The following MSRA variants were observed in gnomAD, a reference collection of about 807,000 sequenced individuals.
MSRA encodes methionine sulfoxide reductase A, also known as mitochondrial peptide methionine sulfoxide reductase.
MSRA carries 54 observed loss-of-function variants against 31.3 expected under a neutral mutation model. The ratio of observed to expected loss-of-function variants is 1.73; its 90% CI spans 1.39 to 2.17. The LOEUF is 2.17. Among genes scored for constraint, MSRA ranks in the 30% most tolerant of loss-of-function variants. MSRA has a pLI of 0.00. For missense variants in MSRA, 507 were observed against 300.9 expected (o/e 1.69, Z -5.07); for synonymous variants, 169 against 116.5 (o/e 1.45, Z -2.90).
chr8:10,119,401 G>T (rs1005162887), intron 1 of MSRA, among the ~76,000 whole-genome samples: 1 of 152,174 alleles, frequency 6.6e-6, no homozygotes, highest in Non-Finnish European at 1.5e-5. Context: ...GGTAACAGAG[G>T]ACATGTGGAC....
intron 1 of MSRA, among the ~76,000 whole-genome samples, chr8:10,196,139 G>C (rs547291871): frequency 6.6e-6 from 1 of 152,202 alleles, no homozygotes; most frequent in Non-Finnish European, 1.5e-5. Flanking sequence ...CCAGGCATAC[G>C]ATGTGCCTTC....
At chr8:10,130,619 C>G (rs1801828778) in intron 1 of MSRA, among the ~76,000 whole-genome samples, 1 of 152,286 alleles carries the variant, frequency 6.6e-6, no homozygotes, top group Non-Finnish European at 1.5e-5. Flanking sequence ...ACTATGCACA[C>G]ACACAGAGAC....
At chr8:10,277,137 T>G (rs936602399) in intron 3 of MSRA, among the ~76,000 whole-genome samples, 6 of 152,232 alleles carry the variant, frequency 3.9e-5, no homozygotes, top group African/African-American at 1.4e-4. Flanking sequence ...TTTAAAAATG[T>G]CCTTAATAAT....
At chr8:10,223,886 G>A (rs571919163) in intron 2 of MSRA, among the ~76,000 whole-genome samples, 31 of 152,194 alleles carry the variant, frequency 2.0e-4, no homozygotes, top group African/African-American at 4.1e-4. Context: ...TCCCCACTCC[G>A]AATTCCTTTT....
At chr8:10,329,137 T>G (rs1178626733) in intron 5 of MSRA, among the ~76,000 whole-genome samples, 1 of 152,222 alleles carries the variant, frequency 6.6e-6, no homozygotes, top group Non-Finnish European at 1.5e-5. Context: ...TCTCTGACTT[T>G]TTTGTCCCTG....
At chr8:10,179,490 T>A (rs1365115158) in intron 1 of MSRA, among the ~76,000 whole-genome samples, 2 of 152,044 alleles carry the variant, frequency 1.3e-5, no homozygotes, top group African/African-American at 2.4e-5. Context: ...AACAGAAGGG[T>A]TTTTGTCTTG....
At chr8:10,380,520 C>A (rs1397726962) in intron 5 of MSRA, among the ~76,000 whole-genome samples, 2 of 152,182 alleles carry the variant, frequency 1.3e-5, no homozygotes, top group Admixed American at 1.3e-4. Context: ...TTTTCCTGGG[C>A]AGTTACCCTG....
chr8:10,174,320 G>A (rs189286743), intron 1 of MSRA, among the ~76,000 whole-genome samples: 82 of 152,212 alleles, frequency 5.4e-4, no homozygotes, highest in African/African-American at 1.7e-3. Context: ...AAGGTGAGCC[G>A]AGCAGATGGC....
intron 3 of MSRA, among the ~76,000 whole-genome samples, chr8:10,277,183 T>A (rs2129104751): frequency 6.6e-6 from 1 of 152,358 alleles, no homozygotes; most frequent in South Asian, 2.1e-4. Context: ...ATAAAATTTA[T>A]CCTGGCAAAC....
chr8:10,297,245 C>G (rs1800595007), intron 3 of MSRA, among the ~76,000 whole-genome samples: 1 of 152,182 alleles, frequency 6.6e-6, no homozygotes, highest in African/African-American at 2.4e-5. Flanking sequence ...TAATCAACCC[C>G]TCTCCATTTG....
intron 5 of MSRA, among the ~76,000 whole-genome samples, chr8:10,413,082 G>C (rs536952451): frequency 6.6e-6 from 1 of 152,230 alleles, no homozygotes; most frequent in African/African-American, 2.4e-5. Flanking sequence ...GTGGCCTTCA[G>C]TTGGGAAATG....
chr8:10,253,000 C>T (rs748316445), intron 3 of MSRA, among the ~76,000 whole-genome samples: 1 of 152,158 alleles, frequency 6.6e-6, no homozygotes, highest in African/African-American at 2.4e-5. Flanking sequence ...ACCAAAGAGA[C>T]GTGCACATTT....
intron 4 of MSRA, among the ~76,000 whole-genome samples, chr8:10,317,300 T>C (rs1234965410): frequency 6.6e-6 from 1 of 152,156 alleles, no homozygotes; most frequent in Non-Finnish European, 1.5e-5. Flanking sequence ...TTCAGACACA[T>C]TTATCACGTC....
intron 2 of MSRA, 65 bp from the exon 3 acceptor site, chr8:10,245,039 G>A: frequency 1.3e-6 from 2 of 1,530,522 alleles, no homozygotes; most frequent in Non-Finnish European, 1.8e-6. Flanking sequence ...GGTGTATGTG[G>A]ATGTGCAATG....
chr8:10,166,282 T>C (rs1401599845), intron 1 of MSRA, among the ~76,000 whole-genome samples: 1 of 152,176 alleles, frequency 6.6e-6, no homozygotes, highest in East Asian at 1.9e-4. Context: ...TGAAATTATC[T>C]GTAAGGTTGA....
At chr8:10,103,322 C>A (rs750987119) in intron 1 of MSRA, among the ~76,000 whole-genome samples, 4 of 152,160 alleles carry the variant, frequency 2.6e-5, no homozygotes, top group Non-Finnish European at 4.4e-5. Context: ...AAACCTGTAG[C>A]TTCAGGACAG....
intron 1 of MSRA, among the ~76,000 whole-genome samples, chr8:10,115,775 T>C (rs1800631591): frequency 6.6e-6 from 1 of 152,200 alleles, no homozygotes; most frequent in South Asian, 2.1e-4. Flanking sequence ...GTCATCTTAG[T>C]CACTGCTGTA....
At chr8:10,120,470 C>G (rs17689289) in intron 1 of MSRA, among the ~76,000 whole-genome samples, 57,816 of 152,120 alleles carry the variant, frequency 0.38, 11,769 homozygotes, top group Middle Eastern at 0.54. Context: ...AGGACCAGCT[C>G]TCTGTGTATG....
intron 1 of MSRA, among the ~76,000 whole-genome samples, chr8:10,082,802 G>C (rs1798360851): frequency 6.6e-6 from 1 of 152,214 alleles, no homozygotes; most frequent in Non-Finnish European, 1.5e-5. Flanking sequence ...CTCGTGTGAA[G>C]GGGGCACTGT....
Sources: allele counts gnomAD v4.1 joint callset (sites outside exome capture counted in the v4.1 genomes callset), GRCh38; gene constraint gnomAD v4.1.1; transcripts MANE v1.5; gene names NCBI Gene and HGNC (gene_info 2026-07-23, HGNC 2026-07-21).